The following ATP6V0A1 variants were observed in gnomAD, a reference collection of about 807,000 sequenced individuals.
The protein encoded by ATP6V0A1 is ATPase H+ transporting V0 subunit a1, also known as V-type proton ATPase 116 kDa subunit a 1.
ATP6V0A1 carries 43 observed loss-of-function variants against 105.4 expected under a neutral mutation model. The observed-to-expected ratio is 0.41, with a 90% CI of 0.32 to 0.53. The LOEUF (loss-of-function observed/expected upper bound fraction) is 0.53. Among genes scored for constraint, ATP6V0A1 ranks in the 20% least tolerant of loss-of-function variants. The pLI is 0.30. For missense variants in ATP6V0A1, 676 were observed against 1,051.1 expected, an observed-to-expected ratio of 0.64 and a Z score of 4.93; for synonymous variants, 362 against 372.8, an observed-to-expected ratio of 0.97 and a Z score of 0.33.
chr17:42,485,469 C>T (rs377038194), intron 9 of ATP6V0A1, among the ~76,000 whole-genome samples: 2 of 152,138 alleles, frequency 1.3e-5, no homozygotes, highest in East Asian at 1.9e-4. Flanking sequence ...GGAAAGAGAA[C>T]GGCAAATAGA....
chr17:42,509,082 G>C (rs1224036434), intron 19 of ATP6V0A1, among the ~76,000 whole-genome samples: 1 of 151,662 alleles, frequency 6.6e-6, no homozygotes, highest in Non-Finnish European at 1.5e-5. Flanking sequence ...CTTCAACTTA[G>C]AAGTGGTGGA....
chr17:42,502,491 C>CGT (rs777582419), intron 17 of ATP6V0A1, among the ~76,000 whole-genome samples: 4 of 151,258 alleles, frequency 2.6e-5, no homozygotes, highest in African/African-American at 9.8e-5. Context: ...ATGAATTCTG[C>CGT]GCGCGCACAC....
intron 4 of ATP6V0A1, among the ~76,000 whole-genome samples, chr17:42,468,665 A>G (rs1218041825): frequency 6.0e-4 from 91 of 152,284 alleles, no homozygotes. Context: ...TATTTCGCTT[A>G]ACATAATGAC....
intron 14 of ATP6V0A1, chr17:42,496,665 A>AC (rs1162510347): frequency 1.3e-5 from 2 of 152,062 alleles, no homozygotes; most frequent in Non-Finnish European, 2.9e-5. Flanking sequence ...ACATGGTGAA[A>AC]CCCCATCTCT....
At chr17:42,461,693 C>T (rs1013857206) in intron 2 of ATP6V0A1, among the ~76,000 whole-genome samples, 1 of 152,144 alleles carries the variant, frequency 6.6e-6, no homozygotes, top group Non-Finnish European at 1.5e-5. Flanking sequence ...ATCGCCTGAA[C>T]CTGGGAGGCG....
intron 9 of ATP6V0A1, among the ~76,000 whole-genome samples, chr17:42,486,766 G>T (rs2145923213): frequency 1.3e-5 from 2 of 152,298 alleles, no homozygotes; most frequent in Middle Eastern, 6.8e-3. Context: ...AGGATTCTGT[G>T]TGGATTTGTT....
chr17:42,492,818 C>A (rs1261940089), intron 11 of ATP6V0A1, among the ~76,000 whole-genome samples: 5 of 151,384 alleles, frequency 3.3e-5, no homozygotes, highest in Non-Finnish European at 2.9e-5. Context: ...GAGTTCGAGA[C>A]CAGCCTGGCC....
chr17:42,469,560 T>G (rs985916437), intron 4 of ATP6V0A1, among the ~76,000 whole-genome samples: 1 of 152,074 alleles, frequency 6.6e-6, no homozygotes, highest in Non-Finnish European at 1.5e-5. Flanking sequence ...GGTCTTGAAC[T>G]CCTGACCTCA....
rs139506058 is a variant in ATP6V0A1, at chr17:42,469,524, G to A, written c.295-566G>A. Among the ~76,000 whole-genome samples, 331 of 151,408 alleles carry A rather than the reference G, an allele frequency of 2.2e-3. 1 individual carries two copies. Among genetic ancestry groups the A allele is most frequent in the Non-Finnish European group, 3.6e-3 (242 of 67,882 alleles). Reference sequence around the variant, plus strand: ...TTTTTTTTGTATTTTTAGTAGAGACGGGGTTTCGCCATGTTTGGCCAGGCT... The same window carrying A: ...TTTTTTTTGTATTTTTAGTAGAGACAGGGTTTCGCCATGTTTGGCCAGGCT... On this transcript the variant is annotated intron_variant, in intron 4 of 21. Transcript: ENST00000343619.
At chr17:42,501,611 C>T (rs935272531) in intron 17 of ATP6V0A1, among the ~76,000 whole-genome samples, 8 of 148,358 alleles carry the variant, frequency 5.4e-5, no homozygotes, top group Admixed American at 4.0e-4. Flanking sequence ...GACGGGGTTT[C>T]ACCATGTTAG....
intron 2 of ATP6V0A1, among the ~76,000 whole-genome samples, chr17:42,464,504 G>A (rs2086804144): frequency 1.3e-5 from 2 of 151,532 alleles, no homozygotes. Context: ...CCGGGTTCAA[G>A]CAATTCTTCT....
At chr17:42,520,319 C>A in intron 21 of ATP6V0A1, 1 of 395,784 alleles carries the variant, frequency 2.5e-6, no homozygotes, top group South Asian at 1.8e-5. Flanking sequence ...AGCAGCCTCG[C>A]TCTGCTTATG....
chr17:42,489,425 G>A (rs1407076693), intron 10 of ATP6V0A1, among the ~76,000 whole-genome samples: 1 of 152,078 alleles, frequency 6.6e-6, no homozygotes. Flanking sequence ...ATCTAGGTTG[G>A]ATTGAGGAGT....
chr17:42,495,494 CTT>C, intron 13 of ATP6V0A1, 130 bp from the exon 14 acceptor site: 1 of 741,166 alleles, frequency 1.3e-6, no homozygotes, highest in Non-Finnish European at 2.2e-6. Flanking sequence ...AGTCTCTCCT[CTT>C]TATTTTTCCC....
At chr17:42,481,636 G>A (rs1353516404) in intron 8 of ATP6V0A1, among the ~76,000 whole-genome samples, 1 of 152,028 alleles carries the variant, frequency 6.6e-6, no homozygotes, top group Non-Finnish European at 1.5e-5. Context: ...TTGACCCCAG[G>A]ATTTGAAGAC....
intron 4 of ATP6V0A1, among the ~76,000 whole-genome samples, chr17:42,469,750 C>T (rs1292702313): frequency 6.6e-6 from 1 of 152,136 alleles, no homozygotes; most frequent in Non-Finnish European, 1.5e-5. Context: ...TCAAGTGATT[C>T]TCCTGCTTCA....
chr17:42,514,047 C>T, intron 20 of ATP6V0A1, 69 bp downstream of exon 20: 1 of 1,500,218 alleles, frequency 6.7e-7, no homozygotes, highest in Non-Finnish European at 9.3e-7. Flanking sequence ...AGTTGGGGGG[C>T]TTAAGTCAAA....
intron 5 of ATP6V0A1, among the ~76,000 whole-genome samples, chr17:42,476,732 C>T (rs1031946068): frequency 1.8e-4 from 28 of 152,146 alleles, no homozygotes; most frequent in African/African-American, 2.4e-5. Flanking sequence ...ATTGTATAAA[C>T]TGTCATGGTG....
At position 42,494,444 on chromosome 17, in the gene ATP6V0A1, C is replaced by T. The variant is rs955212628; in HGVS notation, c.1285C>T (p.Arg429Trp). 1.9e-6 allele frequency: 3 copies of T among 1,613,072 alleles called. No individual in the cohort carries two copies. Among genetic ancestry groups the T allele is most frequent in the Non-Finnish European group, 2.5e-6 (3 of 1,179,636 alleles). ...TGTGTGGATGGTACTGAGGGAGAGC[C>T]GGATCCTTTCCCAGAAGAATGAGAA... ...FAVWMVLRES[R>W]ILSQKNENEM... is the part of the protein sequence containing the mutation. Residue 429 changes from arginine (R) to tryptophan (W), a missense_variant, in exon 12 of 22, where the codon CGG (arginine) becomes TGG (tryptophan). By Grantham distance (101) the Arg-to-Trp change is moderately radical. This residue lies in a region of ATP6V0A1 where 435 missense variants were observed against 642.2 expected (regional missense o/e 0.68). Transcript: ENST00000343619.
Sources: allele counts gnomAD v4.1 joint callset (sites outside exome capture counted in the v4.1 genomes callset), GRCh38; gene constraint gnomAD v4.1.1; regional missense constraint gnomAD v4.1.1; transcripts MANE v1.5; gene names NCBI Gene and HGNC (gene_info 2026-07-23, HGNC 2026-07-21).